Variants in HSH2D observed in about 807,000 individuals in gnomAD.
HSH2D encodes hematopoietic SH2 domain-containing protein.
Under a neutral mutation model 21.5 loss-of-function variants are expected in HSH2D, and 16 were observed. The observed-to-expected ratio is 0.74, with a 90% CI of 0.50 to 1.13. The LOEUF is 1.13. Among genes scored for constraint, HSH2D ranks in the 50% most tolerant of loss-of-function variants. The probability of loss-of-function intolerance (pLI) is 0.00; values close to 1 mark genes in which losing one functional copy is unlikely to be tolerated. For missense variants in HSH2D, 418 were observed against 441.4 expected (o/e 0.95, Z 0.47); for synonymous variants, 172 against 184.7 (o/e 0.93, Z 0.56).
rs114192722 is a variant in HSH2D, at chr19:16,157,625, T to A, written c.890T>A (p.Val297Asp). ...KVPTRKAERS[V>D]SCIEVTPGDR... ...CCCACCAGGAAGGCCGAGAGGTCGG[T>A]CAGCTGCATTGAGGTGACCCCAGGG... The change falls in exon 6 of 6, where the codon GTC becomes GAC. Residue 297 changes from valine to aspartate, a missense_variant. Transcript: ENST00000613986. This position sits in a 1 kb window ranked among gnomAD's most constrained non-coding sequence, Gnocchi z 4.4. 1.9e-6 allele frequency: 3 copies of A among 1,613,746 alleles called. No individual in the cohort carries two copies. The Admixed American group carries it at 5.0e-5, about 27-fold the overall frequency.
chr19:16,136,873 G>A (rs1171701336), intron 1 of HSH2D, among the ~76,000 whole-genome samples: 3 of 152,110 alleles, frequency 2.0e-5, no homozygotes, highest in East Asian at 1.9e-4. Context: ...AATCTTTCAC[G>A]CCTTATGTAA....
At chr19:16,154,102 C>T (rs889545625) in intron 4 of HSH2D, among the ~76,000 whole-genome samples, 6 of 142,584 alleles carry the variant, frequency 4.2e-5, no homozygotes, top group African/African-American at 1.0e-4. Context: ...CCTGACCTAG[C>T]GCCCAAGAAA....
chr19:16,150,259 G>C (rs963160881), intron 2 of HSH2D, among the ~76,000 whole-genome samples: 10 of 151,968 alleles, frequency 6.6e-5, no homozygotes, highest in Non-Finnish European at 1.3e-4. Flanking sequence ...GGAATTTTAG[G>C]CTGGGTGCAG....
Position 16,157,889 on chromosome 19 carries a change from C to A in HSH2D, c.*95C>A. On this transcript the variant is annotated 3_prime_UTR_variant, in exon 6 of 6. Transcript: ENST00000613986. The surrounding 1 kb of genome is among the most constrained non-coding windows in gnomAD (Gnocchi z 4.4). ...CTTCCATGGCCCCACACCATGGCAT[C>A]CGGGGGTCTTCGGGAACCCGGGAAA... 1 of 928,376 alleles carries A rather than the reference C, an allele frequency of 1.1e-6. No homozygotes were observed. Among genetic ancestry groups the A allele is most frequent in the Non-Finnish European group, 1.6e-6 (1 of 634,414 alleles). The allele number at this position is 928,376 out of a possible 1,614,324, so 57.5% of individuals were successfully genotyped here. A position where few individuals can be genotyped will look rare whatever the true frequency, so the allele number is the denominator to read the frequency against.
chr19:16,134,836 C>T (rs1304903937), intron 1 of HSH2D, among the ~76,000 whole-genome samples: 1 of 152,078 alleles, frequency 6.6e-6, no homozygotes, highest in East Asian at 1.9e-4. Flanking sequence ...AAGCTCTCCC[C>T]AGGGGCTGGG....
intron 2 of HSH2D, among the ~76,000 whole-genome samples, chr19:16,150,669 G>C (rs1159269058): frequency 2.7e-5 from 4 of 148,354 alleles, no homozygotes; most frequent in East Asian, 4.0e-4. Context: ...CTGGGTGACA[G>C]AGCAAGATTC....
intron 1 of HSH2D, among the ~76,000 whole-genome samples, chr19:16,134,530 A>C (rs2090947018): frequency 6.6e-6 from 1 of 152,194 alleles, no homozygotes; most frequent in Non-Finnish European, 1.5e-5. Flanking sequence ...CTATGCTTTT[A>C]GATAGGCCAG....
In HSH2D at chr19:16,157,748, C is replaced by T. The variant is rs369231467; in HGVS notation, c.1013C>T (p.Pro338Leu). 5.5e-5 allele frequency: 89 copies of T among 1,611,482 alleles called. No homozygotes were observed. The highest frequency in any genetic ancestry group is 1.6e-4 in the Middle Eastern group (1 of 6,078). ...GLAEPENDQL[P>L]EEYQQPPPFA... ...GCAGAGCCTGAGAACGACCAGCTCC[C>T]GGAGGAGTACCAACAACCGCCACCC... Residue 338 changes from proline to leucine, a missense_variant, in exon 6 of 6, where the codon CCG becomes CTG. By Grantham distance (98) the Pro-to-Leu change is moderately conservative. Coordinates refer to ENST00000613986, the MANE Select transcript of HSH2D (RefSeq NM_001382417.1). This position sits in a 1 kb window ranked among gnomAD's most constrained non-coding sequence, Gnocchi z 4.4.
intron 2 of HSH2D, among the ~76,000 whole-genome samples, chr19:16,151,943 TAAAAAAAAAAAA>T (rs35017472): frequency 9.1e-6 from 1 of 109,564 alleles, no homozygotes; most frequent in South Asian, 2.9e-4. Context: ...CTGTCTCTAC[TAAAAAAAAAAAA>T]AAAAAGTTGG....
rs747173630 is a variant in HSH2D at position 16,157,765 on chromosome 19, C to A, written c.1030C>A (p.Pro344Thr). Residue 344 changes from proline (P) to threonine (T), a missense_variant, in exon 6 of 6, where the codon CCG becomes ACG. Physicochemically the swap from Pro to Thr is conservative, Grantham distance 38. Transcript: ENST00000613986. The surrounding 1 kb of genome is among the most constrained non-coding windows in gnomAD (Gnocchi z 4.4). ...CCAGCTCCCGGAGGAGTACCAACAACCGCCACCCTTTGCCCCTGGGTACTG... is the reference window on the plus strand; with the variant it reads ...CCAGCTCCCGGAGGAGTACCAACAAACGCCACCCTTTGCCCCTGGGTACTG... ...NDQLPEEYQQPPPFAPGYC is the reference protein window; with the variant it reads ...NDQLPEEYQQTPPFAPGYC 1 of 1,609,020 alleles carries A rather than the reference C, an allele frequency of 6.2e-7. No individual in the cohort carries two copies. Among genetic ancestry groups the A allele is most frequent in the Non-Finnish European group, 8.5e-7 (1 of 1,179,068 alleles).
chr19:16,148,646 A>C (rs1250057849), intron 1 of HSH2D, 78 bp from the exon 2 acceptor site: 1 of 1,436,598 alleles, frequency 7.0e-7, no homozygotes, highest in Non-Finnish European at 9.7e-7. Context: ...AGGAGGAGGC[A>C]CCACAAGCTT....
At chr19:16,136,832 AC>A (rs1309121540) in intron 1 of HSH2D, among the ~76,000 whole-genome samples, 1 of 152,070 alleles carries the variant, frequency 6.6e-6, no homozygotes, top group Non-Finnish European at 1.5e-5. Flanking sequence ...AGTTTTTCAC[AC>A]CCTATGCAAA....
intron 1 of HSH2D, among the ~76,000 whole-genome samples, chr19:16,136,590 G>A (rs181614859): frequency 6.6e-6 from 1 of 152,244 alleles, no homozygotes; most frequent in East Asian, 1.9e-4. Context: ...ATAGATAAGC[G>A]AGCTAGAAGC....
At position 16,152,589 on chromosome 19, in the gene HSH2D, T is replaced by A; in HGVS notation, c.163T>A (p.Ser55Thr). Residue 55 changes from serine (S) to threonine (T), a missense_variant, in exon 3 of 6, where the codon TCC becomes ACC. Physicochemically the swap from Ser to Thr is moderately conservative, Grantham distance 58. Coordinates refer to ENST00000613986, the MANE Select transcript of HSH2D (RefSeq NM_001382417.1). ...CTTGCTGGAGTCACAGCCACTGGGA[T>A]CCTTTCTCATCAGGGTCAGTCACAG... ...ENLLESQPLG[S>T]FLIRVSHSHV... The A allele has an allele frequency of 6.6e-7, 1 of 1,510,840 alleles. No homozygotes were observed. Among genetic ancestry groups the A allele is most frequent in the Non-Finnish European group, 8.8e-7 (1 of 1,131,968 alleles). The allele number at this position is 1,510,840 out of a possible 1,614,324, so 93.6% of individuals were successfully genotyped here. A position where few individuals can be genotyped will look rare whatever the true frequency, so the allele number is the denominator to read the frequency against.
intron 2 of HSH2D, among the ~76,000 whole-genome samples, chr19:16,150,927 G>T (rs1251123434): frequency 6.6e-6 from 1 of 152,168 alleles, no homozygotes; most frequent in African/African-American, 2.4e-5. Context: ...CAGTACAAAA[G>T]GCCAGTGGCC....
At chr19:16,144,686 CTT>C (rs35070155) in intron 1 of HSH2D, among the ~76,000 whole-genome samples, 9 of 85,932 alleles carry the variant, frequency 1.0e-4, no homozygotes, top group African/African-American at 3.3e-4. Context: ...ATTCTAGGCT[CTT>C]TTTTTTTTTT....
chr19:16,153,247 TG>T, intron 4 of HSH2D, 39 bp downstream of exon 4: 1 of 1,464,828 alleles, frequency 6.8e-7, no homozygotes. Flanking sequence ...GCCATTTCCT[TG>T]GGGCCAAGCC....
At chr19:16,155,292 G>T (rs1487939868) in intron 5 of HSH2D, among the ~76,000 whole-genome samples, 1 of 152,086 alleles carries the variant, frequency 6.6e-6, no homozygotes, top group Non-Finnish European at 1.5e-5. Flanking sequence ...GGGGAAGGCA[G>T]TCAGGGAAGG....
chr19:16,134,638 C>G (rs913274459), intron 1 of HSH2D, among the ~76,000 whole-genome samples: 2 of 152,160 alleles, frequency 1.3e-5, no homozygotes, highest in Admixed American at 6.5e-5. Flanking sequence ...AAGCATAACA[C>G]AGCCCTGACC....
Sources: gnomAD v4.1 joint callset for allele counts (sites outside exome capture counted in the v4.1 genomes callset) on GRCh38, gnomAD v4.1.1 for gene constraint, Gnocchi (gnomAD v3.1) non-coding constraint, MANE v1.5 for transcripts, NCBI Gene and HGNC (gene_info 2026-07-23, HGNC 2026-07-21) for gene names.